MTERF3: variants seen among roughly 807,000 people sequenced by gnomAD.
MTERF3 encodes transcription termination factor 3, mitochondrial.
Under a neutral mutation model 40.5 loss-of-function variants are expected in MTERF3, and 40 were observed. The ratio of observed to expected loss-of-function variants is 0.99; its 90% CI spans 0.77 to 1.29. The LOEUF (loss-of-function observed/expected upper bound fraction) is 1.29. Among genes scored for constraint, MTERF3 ranks in the 50% most tolerant of loss-of-function variants. The pLI, the probability that MTERF3 is intolerant of heterozygous loss-of-function variation, is 0.00. For synonymous variants in MTERF3, 158 were observed against 166.6 expected (o/e 0.95, Z 0.40); for missense variants, 452 against 478.2 (o/e 0.95, Z 0.51).
intron 3 of MTERF3, among the ~76,000 whole-genome samples, chr8:96,252,604 C>T (rs1406051036): frequency 6.6e-6 from 1 of 152,046 alleles, no homozygotes; most frequent in Non-Finnish European, 1.5e-5. Context: ...TTTTGACAAC[C>T]GGATGTAATT....
chr8:96,249,581 G>A (rs1810085684), intron 4 of MTERF3, among the ~76,000 whole-genome samples: 1 of 151,564 alleles, frequency 6.6e-6, no homozygotes, highest in African/African-American at 2.4e-5. Flanking sequence ...TAAGGTTTTT[G>A]TTTAGTTTTT....
At chr8:96,240,543 C>T (rs1809908374) in intron 7 of MTERF3, among the ~76,000 whole-genome samples, 1 of 152,058 alleles carries the variant, frequency 6.6e-6, no homozygotes, top group South Asian at 2.1e-4. Context: ...TATGTCTTAC[C>T]TGCCTCAAAG....
At chr8:96,242,453 T>C (rs1809946550) in intron 7 of MTERF3, among the ~76,000 whole-genome samples, 1 of 152,242 alleles carries the variant, frequency 6.6e-6, no homozygotes, top group African/African-American at 2.4e-5. Context: ...AGTAAAGGGC[T>C]TGGGTTTTTA....
intron 3 of MTERF3, 101 bp downstream of exon 3, chr8:96,256,861 G>A (rs1810287621): frequency 9.5e-7 from 1 of 1,055,566 alleles, no homozygotes; most frequent in South Asian, 2.4e-5. Flanking sequence ...TTTTGCTTAT[G>A]TTTGTATACT....
Position 96,258,508 on chromosome 8 carries a change from G to GT in MTERF3, c.182dup (p.Tyr61Ter). Residue 61 changes from tyrosine (Y) to a stop codon, truncating the protein, a stop_gained and frameshift_variant, in exon 2 of 8, where the codon TAC becomes TAAC. Transcript: ENST00000287025. LOFTEE classifies it high-confidence loss of function. The part of the protein sequence containing the change: ...NCFLQWGFKT[Y>*]RTSSLWNSSQ... ...AACTATTCCATAAGGAGGAAGTCCT[G>GT]TAAGTCTTAAATCCCCACTGGAGAA... is the stretch of plus-strand genomic sequence containing the variant. The GT allele has an allele frequency of 6.2e-7, 1 of 1,614,164 alleles. No individual in the cohort carries two copies. The highest frequency in any genetic ancestry group is 8.5e-7 in the Non-Finnish European group (1 of 1,180,008).
intron 3 of MTERF3, among the ~76,000 whole-genome samples, chr8:96,253,155 A>T (rs950827106): frequency 5.3e-5 from 8 of 152,184 alleles, no homozygotes; most frequent in African/African-American, 1.7e-4. Context: ...CAGGCTATAC[A>T]ACGTGCCCTG....
chr8:96,241,520 C>A (rs1278482655), intron 7 of MTERF3, among the ~76,000 whole-genome samples: 15 of 152,112 alleles, frequency 9.9e-5, no homozygotes, highest in African/African-American at 3.6e-4. Flanking sequence ...AATATAATAA[C>A]ACTTCAAAGC....
chr8:96,250,166 C>A (rs1810097927), intron 4 of MTERF3, among the ~76,000 whole-genome samples: 1 of 151,828 alleles, frequency 6.6e-6, no homozygotes, highest in Non-Finnish European at 1.5e-5. Context: ...CAAGGAACAA[C>A]CAAAATAGCC....
chr8:96,240,773 C>A (rs1586161593), intron 7 of MTERF3, among the ~76,000 whole-genome samples: 1 of 151,908 alleles, frequency 6.6e-6, no homozygotes, highest in Admixed American at 6.6e-5. Context: ...TTGGCTGTTA[C>A]AGATATAATG....
At chr8:96,256,672 G>A (rs1810285029) in intron 3 of MTERF3, among the ~76,000 whole-genome samples, 1 of 152,118 alleles carries the variant, frequency 6.6e-6, no homozygotes, top group Non-Finnish European at 1.5e-5. Context: ...ATCAAATGAT[G>A]TCTAAAACTG....
intron 4 of MTERF3, among the ~76,000 whole-genome samples, chr8:96,249,611 G>T (rs945601501): frequency 6.6e-6 from 1 of 152,098 alleles, no homozygotes; most frequent in African/African-American, 2.4e-5. Flanking sequence ...TCCGAGAAAA[G>T]ACATTAGACT....
At chr8:96,247,853 C>A (rs2129896192) in intron 4 of MTERF3, among the ~76,000 whole-genome samples, 1 of 152,088 alleles carries the variant, frequency 6.6e-6, no homozygotes, top group South Asian at 2.1e-4. Context: ...AGAGACAGAA[C>A]TAATTTTCTT....
intron 7 of MTERF3, among the ~76,000 whole-genome samples, chr8:96,242,901 A>T (rs1809954095): frequency 6.6e-6 from 1 of 152,188 alleles, no homozygotes; most frequent in Non-Finnish European, 1.5e-5. Flanking sequence ...TGAATTACCC[A>T]CCAACCCAGG....
Position 96,258,174 on chromosome 8 carries a change from A to T in MTERF3, c.334+183T>A, listed in dbSNP as rs530433664. 12 of 919,778 alleles carry T rather than the reference A, an allele frequency of 1.3e-5. No individual in the cohort carries two copies. The African/African-American group carries it at 2.1e-4, about 16-fold the overall frequency. The allele number at this position is 919,778 out of a possible 1,614,324, so 57.0% of individuals were successfully genotyped here. On this transcript the variant is annotated intron_variant, in intron 2 of 7. Coordinates refer to ENST00000287025, the MANE Select transcript of MTERF3 (RefSeq NM_015942.5). ...ATAAAATAATCTTACACGTTAGCCC[A>T]CAAACTTTTTTTCTTACCAGTAAAA...
At position 96,239,459 on chromosome 8, in the gene MTERF3, TTACAA is replaced by T; in HGVS notation, c.*27_*31del. ...TCATTTATTCATATATATATTCACTTTACAATACTGCATTTTAACATACATAAAAA... is the reference window on the plus strand; with the variant it reads ...TCATTTATTCATATATATATTCACTTTACTGCATTTTAACATACATAAAAA... On this transcript the variant is annotated 3_prime_UTR_variant, in exon 8 of 8. Transcript: ENST00000287025. 1 of 1,472,252 alleles carries T rather than the reference TTACAA, an allele frequency of 6.8e-7. No individual in the cohort carries two copies. Among genetic ancestry groups the T allele is most frequent in the Non-Finnish European group, 9.2e-7 (1 of 1,084,378 alleles). 91.2% of individuals were successfully genotyped at this position (1,472,252 alleles called of 1,614,324 possible).
chr8:96,255,464 C>A (rs1810262175), intron 3 of MTERF3, among the ~76,000 whole-genome samples: 1 of 151,960 alleles, frequency 6.6e-6, no homozygotes. Context: ...CAGGGTGAAA[C>A]CTCGTCTCTA....
chr8:96,254,571 T>C (rs866446586), intron 3 of MTERF3, among the ~76,000 whole-genome samples: 1 of 152,194 alleles, frequency 6.6e-6, no homozygotes, highest in African/African-American at 2.4e-5. Context: ...TTGTTGCAAA[T>C]AACAGGATCT....
intron 4 of MTERF3, among the ~76,000 whole-genome samples, chr8:96,247,269 C>T (rs1810039268): frequency 6.6e-6 from 1 of 152,112 alleles, no homozygotes; most frequent in African/African-American, 2.4e-5. Context: ...CCATGCCTGG[C>T]CTGAGCATGT....
In MTERF3 at chr8:96,242,444, G is replaced by A. The variant is rs1480264475; in HGVS notation, c.1059+1475C>T. ...TCAAATGTACTTCTAGCAGATCCTA[G>A]TAAAGGGCTTGGGTTTTTAAACTGG... On this transcript the variant is annotated intron_variant, in intron 7 of 7. Coordinates refer to ENST00000287025, the MANE Select transcript of MTERF3 (RefSeq NM_015942.5). Among the ~76,000 whole-genome samples, 3 of 152,178 alleles carry A rather than the reference G, an allele frequency of 2.0e-5. No homozygotes were observed. In the East Asian group the frequency reaches 5.8e-4, roughly 29 times the overall value.
Sources: gnomAD v4.1 joint callset for allele counts (sites outside exome capture counted in the v4.1 genomes callset) on GRCh38, gnomAD v4.1.1 for gene constraint, MANE v1.5 for transcripts, NCBI Gene and HGNC (gene_info 2026-07-23, HGNC 2026-07-21) for gene names.